The following MBD5 variants were observed in gnomAD, a reference collection of about 807,000 sequenced individuals.
MBD5 encodes methyl-CpG-binding domain protein 5.
In MBD5, 13 loss-of-function variants were observed where a neutral mutation model predicts 117.3. The ratio of observed to expected loss-of-function variants is 0.11; its 90% CI spans 0.07 to 0.18. The LOEUF (loss-of-function observed/expected upper bound fraction) is 0.18, where lower values mean the gene tolerates loss of function less well. Among genes scored for constraint, MBD5 ranks in the 10% least tolerant of loss-of-function variants. MBD5 has a pLI of 1.00. For missense variants in MBD5, 1,879 were observed against 2,093.8 expected (o/e 0.90, Z 2.00); for synonymous variants, 727 against 766.4 (o/e 0.95, Z 0.85).
intron 2 of MBD5, among the ~76,000 whole-genome samples, chr2:148,199,832 A>G (rs1699092460): frequency 6.6e-6 from 1 of 152,162 alleles, no homozygotes; most frequent in South Asian, 2.1e-4. Flanking sequence ...TCTCTATAAC[A>G]TATATCCTAT....
chr2:148,331,800 GA>G (rs550352943), intron 3 of MBD5, among the ~76,000 whole-genome samples: 7,221 of 151,512 alleles, frequency 0.048, 198 homozygotes, highest in African/African-American at 0.072. Context: ...TTCAGACATT[GA>G]AAAAAAATAC....
At chr2:148,448,758 G>T (rs1372882374) in intron 4 of MBD5, among the ~76,000 whole-genome samples, 13 of 151,954 alleles carry the variant, frequency 8.6e-5, no homozygotes, top group Non-Finnish European at 1.5e-4. Flanking sequence ...CTACAGGTTT[G>T]GGAATAAACA....
At chr2:148,278,453 G>A (rs1219036718) in intron 3 of MBD5, among the ~76,000 whole-genome samples, 1 of 152,098 alleles carries the variant, frequency 6.6e-6, no homozygotes, top group Non-Finnish European at 1.5e-5. Context: ...TGATGGGGTT[G>A]TGTATGTGTA....
intron 4 of MBD5, among the ~76,000 whole-genome samples, chr2:148,445,379 A>T (rs1350558700): frequency 6.6e-6 from 1 of 150,774 alleles, no homozygotes; most frequent in Non-Finnish European, 1.5e-5. Context: ...GAGTGAGAAC[A>T]TGCGGTGTTT....
intron 2 of MBD5, among the ~76,000 whole-genome samples, chr2:148,231,549 T>C (rs1699986301): frequency 6.6e-6 from 1 of 151,950 alleles, no homozygotes; most frequent in Non-Finnish European, 1.5e-5. Context: ...GAAGGTGCTT[T>C]TTTTTGTGTA....
intron 5 of MBD5, among the ~76,000 whole-genome samples, chr2:148,459,123 G>A (rs756760600): frequency 2.0e-5 from 3 of 152,090 alleles, no homozygotes; most frequent in African/African-American, 4.8e-5. Context: ...AAAGAAACAT[G>A]CAATCATCAT....
chr2:148,289,650 A>G (rs1352516549), intron 3 of MBD5, among the ~76,000 whole-genome samples: 2 of 152,228 alleles, frequency 1.3e-5, no homozygotes, highest in African/African-American at 2.4e-5. Flanking sequence ...TATAATAACT[A>G]AATTTGGAAA....
chr2:148,093,598 C>T (rs1695994125), intron 1 of MBD5, among the ~76,000 whole-genome samples: 1 of 152,024 alleles, frequency 6.6e-6, no homozygotes, highest in Non-Finnish European at 1.5e-5. Flanking sequence ...AATTGTAGCC[C>T]TGTGATCTTG....
At chr2:148,237,588 G>A (rs1700118569) in intron 3 of MBD5, among the ~76,000 whole-genome samples, 1 of 152,046 alleles carries the variant, frequency 6.6e-6, no homozygotes, top group South Asian at 2.1e-4. Context: ...ACAATTACAG[G>A]AGAAACATCA....
intron 1 of MBD5, among the ~76,000 whole-genome samples, chr2:148,145,534 A>G (rs1340809475): frequency 6.6e-6 from 1 of 152,164 alleles, no homozygotes; most frequent in Admixed American, 6.5e-5. Context: ...GCCTGTTTTC[A>G]AAGGGAATGC....
chr2:148,497,679 G>A (rs1387368770), intron 11 of MBD5, among the ~76,000 whole-genome samples: 1 of 151,692 alleles, frequency 6.6e-6, no homozygotes, highest in Non-Finnish European at 1.5e-5. Context: ...TAGCTACTTG[G>A]AAGACTGAGG....
intron 3 of MBD5, among the ~76,000 whole-genome samples, chr2:148,326,467 G>A (rs1702455779): frequency 6.6e-6 from 1 of 152,126 alleles, no homozygotes; most frequent in Non-Finnish European, 1.5e-5. Context: ...ATGTGTGGGA[G>A]TCTAAGTCTC....
intron 12 of MBD5, among the ~76,000 whole-genome samples, chr2:148,508,186 C>T (rs777815705): frequency 1.3e-5 from 2 of 152,140 alleles, no homozygotes; most frequent in Non-Finnish European, 2.9e-5. Context: ...GCTTGGCAGA[C>T]ACCTCATTAG....
intron 1 of MBD5, among the ~76,000 whole-genome samples, chr2:148,053,230 A>G (rs1008900391): frequency 5.9e-5 from 9 of 152,096 alleles, no homozygotes; most frequent in African/African-American, 2.2e-4. Flanking sequence ...GATAACTGTT[A>G]TATCTTCTTA....
chr2:148,183,829 T>C (rs145699226), intron 2 of MBD5, among the ~76,000 whole-genome samples: 11 of 152,316 alleles, frequency 7.2e-5, no homozygotes, highest in Admixed American at 7.2e-4. Context: ...TATGTCATCA[T>C]AGCCTCATAG....
At chr2:148,456,184 T>C (rs935537292) in intron 4 of MBD5, among the ~76,000 whole-genome samples, 1 of 152,182 alleles carries the variant, frequency 6.6e-6, no homozygotes, top group Non-Finnish European at 1.5e-5. Context: ...CTGGATGGCT[T>C]ATAAACAACA....
At chr2:148,162,401 A>AC (rs1188307596) in intron 1 of MBD5, among the ~76,000 whole-genome samples, 1 of 152,116 alleles carries the variant, frequency 6.6e-6, no homozygotes, top group Admixed American at 6.5e-5. Context: ...TACCTAATTA[A>AC]CCCAACGATT....
At chr2:148,126,976 T>TC (rs1696912622) in intron 1 of MBD5, among the ~76,000 whole-genome samples, 1 of 139,332 alleles carries the variant, frequency 7.2e-6, no homozygotes, top group African/African-American at 2.6e-5. Flanking sequence ...TTTTTTTCTT[T>TC]CTTTTTTTTT....
At chr2:148,181,011 G>A (rs1698521323) in intron 2 of MBD5, among the ~76,000 whole-genome samples, 1 of 152,014 alleles carries the variant, frequency 6.6e-6, no homozygotes, top group African/African-American at 2.4e-5. Flanking sequence ...ATTATGAACC[G>A]CCACATGTCT....
Sources: allele counts gnomAD v4.1 joint callset (sites outside exome capture counted in the v4.1 genomes callset), GRCh38; gene constraint gnomAD v4.1.1; transcripts MANE v1.5; gene names NCBI Gene and HGNC (gene_info 2026-07-23, HGNC 2026-07-21).